The following PTCH1 variants were observed in gnomAD, a reference collection of about 807,000 sequenced individuals.
The protein encoded by PTCH1 is patched 1.
PTCH1 carries 14 observed loss-of-function variants against 144.6 expected under a neutral mutation model. The ratio of observed to expected loss-of-function variants is 0.10; its 90% CI spans 0.06 to 0.15. The LOEUF (loss-of-function observed/expected upper bound fraction) is 0.15, where lower values mean the gene tolerates loss of function less well. Among genes scored for constraint, PTCH1 ranks in the 10% least tolerant of loss-of-function variants. The probability of loss-of-function intolerance (pLI) is 1.00; values close to 1 mark genes in which losing one functional copy is unlikely to be tolerated. For missense variants in PTCH1, 1,623 were observed against 1,948.3 expected, an observed-to-expected ratio of 0.83 and a Z score of 3.14; for synonymous variants, 833 against 793.6, an observed-to-expected ratio of 1.05 and a Z score of -0.83.
At chr9:95,472,113 G>A (rs1840642043) in intron 12 of PTCH1, among the ~76,000 whole-genome samples, 2 of 152,116 alleles carry the variant, frequency 1.3e-5, no homozygotes, top group African/African-American at 4.8e-5. Flanking sequence ...CACAGAGTGT[G>A]CAAGAGGAGA....
chr9:95,489,357 C>T (rs562290937), intron 2 of PTCH1, among the ~76,000 whole-genome samples: 87 of 152,168 alleles, frequency 5.7e-4, no homozygotes, highest in African/African-American at 2.0e-3. Context: ...CCTTCTTTTT[C>T]TTTTATTTAA....
At chr9:95,475,456 G>C (rs528285909) in intron 12 of PTCH1, among the ~76,000 whole-genome samples, 1 of 152,272 alleles carries the variant, frequency 6.6e-6, no homozygotes, top group East Asian at 1.9e-4. Context: ...GGCCAACTTA[G>C]GAAAGGGAGG....
intron 2 of PTCH1, among the ~76,000 whole-genome samples, chr9:95,502,327 T>C (rs1174250056): frequency 1.3e-5 from 2 of 152,228 alleles, no homozygotes; most frequent in African/African-American, 4.8e-5. Context: ...TTGGATGGAG[T>C]TCCCCTGAGG....
intron 12 of PTCH1, among the ~76,000 whole-genome samples, chr9:95,474,618 C>T (rs1840875948): frequency 6.6e-6 from 1 of 152,154 alleles, no homozygotes; most frequent in Non-Finnish European, 1.5e-5. Flanking sequence ...TTTTCTCCAG[C>T]TGTGCCTCAC....
At chr9:95,512,992 T>C (rs144100511), upstream of PTCH1, among the ~76,000 whole-genome samples, 4 of 152,350 alleles carry the variant, frequency 2.6e-5, no homozygotes, top group African/African-American at 9.6e-5. Context: ...TTGGAGTGTG[T>C]AGTTTTCAAA....
At chr9:95,511,396 C>T (rs1282015262), upstream of PTCH1, among the ~76,000 whole-genome samples, 2 of 152,360 alleles carry the variant, frequency 1.3e-5, no homozygotes, top group Non-Finnish European at 2.9e-5. Flanking sequence ...GGCCCTTCCC[C>T]CGACCCCCTA....
In PTCH1 at chr9:95,447,238, C is replaced by A. The variant is rs1485371101; in HGVS notation, c.4018G>T (p.Gly1340Cys). 1 of 1,611,542 alleles carries A rather than the reference C, an allele frequency of 6.2e-7. No homozygotes were observed. Among genetic ancestry groups the A allele is most frequent in the East Asian group, 2.2e-5 (1 of 44,852 alleles). ...TTGTGAGAACGGGCCCCGCGAGGGC[C>A]CCAGCGGGCCCTATTGCTAGGGCCA... Reference protein sequence around the residue: ...HSGPSNRARWGPRGARSHNPR... With the variant: ...HSGPSNRARWCPRGARSHNPR... Residue 1340 changes from glycine to cysteine, a missense_variant, in exon 23 of 24, where the codon GGC (glycine) becomes TGC (cysteine). By Grantham distance (159) the Gly-to-Cys change is radical. Transcript: ENST00000331920.
At chr9:95,479,835 A>G in intron 7 of PTCH1, 134 bp downstream of exon 7, 3 of 1,442,346 alleles carry the variant, frequency 2.1e-6, no homozygotes, top group Non-Finnish European at 1.9e-6. Flanking sequence ...TTAATATTCT[A>G]TGACGCCACC....
chr9:95,447,242 G>A lies in PTCH1; in HGVS notation c.4014C>T (p.Arg1338=), dbSNP rs1257662475. The A allele has an allele frequency of 1.9e-6, 3 of 1,611,452 alleles. No individual in the cohort carries two copies. The highest frequency in any genetic ancestry group is 2.2e-5 in the South Asian group (2 of 91,078). ...GAGAACGGGCCCCGCGAGGGCCCCA[G>A]CGGGCCCTATTGCTAGGGCCAGAAT... ...EGHSGPSNRA[R]WGPRGARSHN... Residue 1338 remains arginine (R), a synonymous_variant, in exon 23 of 24, where the codon CGC becomes CGT. Coordinates refer to ENST00000331920, the MANE Select transcript of PTCH1 (RefSeq NM_000264.5).
chr9:95,467,399 G>T lies in PTCH1; in HGVS notation c.2277C>A (p.Gly759=). 6.2e-7 allele frequency: 1 copy of T among 1,614,182 alleles called. No homozygotes were observed. The highest frequency in any genetic ancestry group is 1.7e-4 in the Middle Eastern group (1 of 6,054). The change falls in exon 15 of 24, where the codon GGC becomes GGA. Residue 759 remains glycine (G), a synonymous_variant. Coordinates refer to ENST00000331920, the MANE Select transcript of PTCH1 (RefSeq NM_000264.5). ...AKVVVIFLFL[G]LLGVSLYGTT... ...TGCCATAAAGGCTGACCCCCAGCAAGCCCAGAAAAAGGAAGATCACCACTA... is the reference window on the plus strand; with the variant it reads ...TGCCATAAAGGCTGACCCCCAGCAATCCCAGAAAAAGGAAGATCACCACTA...
chr9:95,454,102 G>C (rs535924934), intron 19 of PTCH1, among the ~76,000 whole-genome samples: 1 of 152,330 alleles, frequency 6.6e-6, no homozygotes, highest in South Asian at 2.1e-4. Context: ...TATGTTTGTA[G>C]TACATCTAAG....
At chr9:95,488,430 A>G (rs1182102159) in intron 2 of PTCH1, among the ~76,000 whole-genome samples, 1 of 152,242 alleles carries the variant, frequency 6.6e-6, no homozygotes, top group Non-Finnish European at 1.5e-5. Flanking sequence ...TGCCATATAT[A>G]CTATTAAATG....
intron 8 of PTCH1, among the ~76,000 whole-genome samples, chr9:95,478,763 G>A (rs1841294144): frequency 6.6e-6 from 1 of 152,024 alleles, no homozygotes; most frequent in South Asian, 2.1e-4. Flanking sequence ...CTTTAGTTCT[G>A]GAATTCACAA....
chr9:95,490,933 C>G (rs1441779128), intron 2 of PTCH1, among the ~76,000 whole-genome samples: 1 of 152,182 alleles, frequency 6.6e-6, no homozygotes, highest in African/African-American at 2.4e-5. Flanking sequence ...CAATTACCCT[C>G]ATCTGATCAT....
In PTCH1 at chr9:95,467,238, G is replaced by A. The variant is rs2117958555; in HGVS notation, c.2438C>T (p.Pro813Leu). ...MYIVTQKADY[P>L]NIQHLLYDLH... ...GTCGTAAAGTAAGTGCTGGATATTC[G>A]GGTAGTCTGCTTTCTGGGTGACTAT... The change falls in exon 15 of 24, where the codon CCG becomes CTG. Residue 813 changes from proline (P) to leucine (L), a missense_variant. Physicochemically the swap from Pro to Leu is moderately conservative, Grantham distance 98. Around this residue, in one of 7 missense-constraint regions of PTCH1, gnomAD observed 504 missense variants for 679.3 expected, o/e 0.74. Transcript: ENST00000331920. The A allele has an allele frequency of 2.5e-6, 4 of 1,612,430 alleles. No individual in the cohort carries two copies. The highest frequency in any genetic ancestry group is 3.4e-6 in the Non-Finnish European group (4 of 1,179,474).
intron 2 of PTCH1, among the ~76,000 whole-genome samples, chr9:95,495,601 C>T (rs575261852): frequency 6.6e-6 from 1 of 152,182 alleles, no homozygotes; most frequent in South Asian, 2.1e-4. Flanking sequence ...AGTTGCACTG[C>T]TGAAACCTTA....
At chr9:95,506,292 G>A (rs949419709) in intron 2 of PTCH1, 115 bp downstream of exon 2, 4 of 1,223,792 alleles carry the variant, frequency 3.3e-6, no homozygotes, top group Middle Eastern at 2.8e-4. Flanking sequence ...CCCCGGGTGC[G>A]GGCAGGGGGT....
intron 2 of PTCH1, chr9:95,506,202 G>T: frequency 1.9e-6 from 1 of 517,840 alleles, no homozygotes; most frequent in Non-Finnish European, 3.2e-6. Context: ...CTCGGCCGGC[G>T]CAGCGCCCCG....
Position 95,444,509 on chromosome 9 carries a change from GCA to G in PTCH1, c.*1882_*1883del, listed in dbSNP as rs59205702. On this transcript the variant is annotated 3_prime_UTR_variant, in exon 24 of 24. Coordinates refer to ENST00000331920, the MANE Select transcript of PTCH1 (RefSeq NM_000264.5). Reference sequence around the variant, plus strand: ...CAGAGACACACACACACGCACGCACGCACACACACACACACACACCCAGCAGC... The same window carrying G: ...CAGAGACACACACACACGCACGCACGCACACACACACACACACCCAGCAGC... The G allele has an allele frequency of 9.5e-4, 142 of 148,822 alleles. 1 individual carries two copies. The highest frequency in any genetic ancestry group is 2.7e-3 in the South Asian group (13 of 4,848). 9.2% of individuals were successfully genotyped at this position (148,822 alleles called of 1,614,324 possible).
Sources: gnomAD v4.1 joint callset for allele counts (sites outside exome capture counted in the v4.1 genomes callset) on GRCh38, gnomAD v4.1.1 for gene constraint, gnomAD v4.1.1 regional missense constraint, MANE v1.5 for transcripts, NCBI Gene and HGNC (gene_info 2026-07-23, HGNC 2026-07-21) for gene names.